ADAMTS8: variants seen among roughly 807,000 people sequenced by gnomAD.
ADAMTS8 encodes ADAM metallopeptidase with thrombospondin type 1 motif 8.
Under a neutral mutation model 64.4 loss-of-function variants are expected in ADAMTS8, and 50 were observed. The ratio of observed to expected loss-of-function variants is 0.78; its 90% CI spans 0.62 to 0.98. The LOEUF (loss-of-function observed/expected upper bound fraction) is 0.98. ADAMTS8 is among the 50% of genes least tolerant of loss of function. ADAMTS8 has a pLI of 0.00. For synonymous variants in ADAMTS8, 556 were observed against 533.6 expected (o/e 1.04, Z -0.58); for missense variants, 1,192 against 1,208.2 (o/e 0.99, Z 0.20).
At chr11:130,422,453 C>G (rs1028364199) in intron 1 of ADAMTS8, among the ~76,000 whole-genome samples, 4 of 152,000 alleles carry the variant, frequency 2.6e-5, no homozygotes, top group Admixed American at 6.6e-5. Flanking sequence ...TACATCCAGC[C>G]GGTTTGCGCT....
intron 2 of ADAMTS8, among the ~76,000 whole-genome samples, chr11:130,417,360 G>A (rs537062669): frequency 1.1e-3 from 161 of 152,148 alleles, no homozygotes; most frequent in Non-Finnish European, 2.0e-3. Flanking sequence ...GGGTTGAGGC[G>A]ATTCTCCCAC....
At chr11:130,415,292 T>A (rs994904491) in intron 4 of ADAMTS8, among the ~76,000 whole-genome samples, 1 of 152,148 alleles carries the variant, frequency 6.6e-6, no homozygotes, top group Admixed American at 6.5e-5. Flanking sequence ...TTTTCTTTAA[T>A]CCCCTCTTCT....
chr11:130,405,322 G>T lies in ADAMTS8; in HGVS notation c.*236C>A, dbSNP rs1861862133. 2.3e-6 allele frequency: 3 copies of T among 1,320,148 alleles called. No homozygotes were observed. The highest frequency in any genetic ancestry group is 2.9e-6 in the Non-Finnish European group (3 of 1,039,372). 81.8% of individuals were successfully genotyped at this position (1,320,148 alleles called of 1,614,324 possible). A position where few individuals can be genotyped will look rare whatever the true frequency, so the allele number is the denominator to read the frequency against. ...ACCTTTTAACCTATGCCCTCTACTT[G>T]AACCCGAGCAAGGTCCAGTCCACTG... On this transcript the variant is annotated 3_prime_UTR_variant, in exon 9 of 9. Transcript: ENST00000257359.
chr11:130,414,777 C>T lies in ADAMTS8; in HGVS notation c.1320G>A (p.Pro440=), dbSNP rs1291178986. The change falls in exon 5 of 9, where the codon CCG becomes CCA. Residue 440 remains proline, a synonymous_variant. Transcript: ENST00000257359. ...AAALPLPTGL[P]GRMALYQLDQ... ...CCAGCTGGTACAGGGCCATGCGGCC[C>T]GGGAGGCCTGTGGGGAGGGGCAGGG... The T allele has an allele frequency of 1.4e-5, 22 of 1,613,150 alleles. No individual in the cohort carries two copies. The highest frequency in any genetic ancestry group is 6.7e-5 in the East Asian group (3 of 44,868).
chr11:130,423,795 C>G (rs770440931), intron 1 of ADAMTS8, among the ~76,000 whole-genome samples: 1 of 152,308 alleles, frequency 6.6e-6, no homozygotes, highest in East Asian at 1.9e-4. Flanking sequence ...TCCATCTCGC[C>G]CCGGGTTCAC....
intron 1 of ADAMTS8, among the ~76,000 whole-genome samples, chr11:130,421,596 C>T (rs1862099879): frequency 6.6e-6 from 1 of 152,212 alleles, no homozygotes; most frequent in African/African-American, 2.4e-5. Context: ...ACTGATCTCT[C>T]CTTATCTCTT....
At position 130,411,314 on chromosome 11, in the gene ADAMTS8, A is replaced by C; in HGVS notation, c.1750+103T>G. 5.7e-6 allele frequency: 8 copies of C among 1,399,602 alleles called. No homozygotes were observed. The highest frequency in any genetic ancestry group is 1.4e-5 in the African/African-American group (1 of 69,894). The allele number at this position is 1,399,602 out of a possible 1,614,324, so 86.7% of individuals were successfully genotyped here. ...TACTCCCCTCTGGGAGTAACTCTAT[A>C]TCCCGGGACACCCACTTCACTCCCA... On this transcript the variant is annotated intron_variant, in intron 6 of 8. Transcript: ENST00000257359. This position sits in a 1 kb window ranked among gnomAD's most constrained non-coding sequence, Gnocchi z 4.2.
In ADAMTS8 at chr11:130,414,634, G is replaced by T. The variant is rs762108752; in HGVS notation, c.1463C>A (p.Thr488Lys). ...HTDGAEPLCHTKNGSLPWADG... is the reference protein window; with the variant it reads ...HTDGAEPLCHKKNGSLPWADG... ...AGCCCAGGGCAGGCTGCCATTCTTC[G>T]TGTGGCACAGGGGCTCAGCCCCATC... The change falls in exon 5 of 9, where the codon ACG becomes AAG. Residue 488 changes from threonine to lysine, a missense_variant. Transcript: ENST00000257359. 13 of 1,613,720 alleles carry T rather than the reference G, an allele frequency of 8.1e-6. No homozygotes were observed. Among genetic ancestry groups the T allele is most frequent in the Non-Finnish European group, 1.0e-5 (12 of 1,180,034 alleles).
In ADAMTS8 at chr11:130,411,354, T is replaced by G; in HGVS notation, c.1750+63A>C. The G allele has an allele frequency of 6.4e-7, 1 of 1,563,890 alleles. No homozygotes were observed. The highest frequency in any genetic ancestry group is 8.7e-7 in the Non-Finnish European group (1 of 1,148,692). On this transcript the variant is annotated intron_variant, in intron 6 of 8. Transcript: ENST00000257359. This position sits in a 1 kb window ranked among gnomAD's most constrained non-coding sequence, Gnocchi z 4.2. ...CTTCACTCCCACTTTACACATCCTC[T>G]GGGGATGCGTCATAGCAATGATAGT...
Position 130,411,300 on chromosome 11 carries a change from G to T in ADAMTS8, c.1750+117C>A. 7.7e-7 allele frequency: 1 copy of T among 1,299,020 alleles called. No individual in the cohort carries two copies. Among genetic ancestry groups the T allele is most frequent in the Non-Finnish European group, 1.1e-6 (1 of 942,592 alleles). 80.5% of individuals were successfully genotyped at this position (1,299,020 alleles called of 1,614,324 possible). On this transcript the variant is annotated intron_variant, in intron 6 of 8. Coordinates refer to ENST00000257359, the MANE Select transcript of ADAMTS8 (RefSeq NM_007037.6). The surrounding 1 kb of genome is among the most constrained non-coding windows in gnomAD (Gnocchi z 4.2). ...CAGGAGACCCAATTTACTCCCCTCT[G>T]GGAGTAACTCTATATCCCGGGACAC... is the stretch of plus-strand genomic sequence containing the variant.
At chr11:130,409,282 A>G (rs1279723449) in intron 6 of ADAMTS8, among the ~76,000 whole-genome samples, 1 of 152,198 alleles carries the variant, frequency 6.6e-6, no homozygotes, top group Non-Finnish European at 1.5e-5. Context: ...ATGTGGAGCT[A>G]TATTCTCAGG....
rs1337769980 is a variant in ADAMTS8 at position 130,414,617 on chromosome 11, G to A, written c.1480C>T (p.Pro494Ser). 6.2e-7 allele frequency: 1 copy of A among 1,613,376 alleles called. No homozygotes were observed. Among genetic ancestry groups the A allele is most frequent in the African/African-American group, 1.3e-5 (1 of 74,944 alleles). ...CCGCACGGCGTGCCGTCAGCCCAGG[G>A]CAGGCTGCCATTCTTCGTGTGGCAC... ...PLCHTKNGSL[P>S]WADGTPCGPG... Residue 494 changes from proline to serine, a missense_variant, in exon 5 of 9, where the codon CCC becomes TCC. Around this residue, in one of 5 missense-constraint regions of ADAMTS8, gnomAD observed 741 missense variants for 710.6 expected, o/e 1.04. Transcript: ENST00000257359.
At chr11:130,425,807 T>C (rs180735461) in intron 1 of ADAMTS8, among the ~76,000 whole-genome samples, 5 of 152,182 alleles carry the variant, frequency 3.3e-5, no homozygotes, top group Admixed American at 2.6e-4. Context: ...TTCACCGTGT[T>C]AGCCAGGATG....
chr11:130,411,387 C>T lies in ADAMTS8; in HGVS notation c.1750+30G>A. 1.2e-6 allele frequency: 2 copies of T among 1,605,298 alleles called. No individual in the cohort carries two copies. Among genetic ancestry groups the T allele is most frequent in the Non-Finnish European group, 1.7e-6 (2 of 1,175,180 alleles). ...CGTCATAGCAATGATAGTAGCTGCT[C>T]TGGCAGGGGCGGCCCTGAGTGGTAA... is the stretch of plus-strand genomic sequence containing the variant. On this transcript the variant is annotated intron_variant, in intron 6 of 8. Transcript: ENST00000257359. The surrounding 1 kb of genome is among the most constrained non-coding windows in gnomAD (Gnocchi z 4.2).
rs367837159 is a variant in ADAMTS8 at position 130,418,507 on chromosome 11, CTG to C, written c.960+544_960+545del. ...GTGGCACGAGAGCTGTGTGGCCACT[CTG>C]TGCCTCAGTTTTCTCTGTTACAAAA... On this transcript the variant is annotated intron_variant, in intron 2 of 8. Coordinates refer to ENST00000257359, the MANE Select transcript of ADAMTS8 (RefSeq NM_007037.6). Among the ~76,000 whole-genome samples, 667 of 152,370 alleles carry C rather than the reference CTG, an allele frequency of 4.4e-3. 6 individuals carry two copies. The highest frequency in any genetic ancestry group is 0.015 in the African/African-American group (643 of 41,590).
chr11:130,428,224 C>CAGT lies in ADAMTS8; in HGVS notation c.62_63insACT (p.Leu21dup), dbSNP rs1862207528. ...GGGCCGGGGCGCCGCGGGCCAGCGGCAGCAGCAGCAGCAGCAGCAGCAGGA... is the reference window on the plus strand; with the variant it reads ...GGGCCGGGGCGCCGCGGGCCAGCGGCAGTAGCAGCAGCAGCAGCAGCAGCAGGA... On this transcript the variant is annotated inframe_insertion, in exon 1 of 9. Coordinates refer to ENST00000257359, the MANE Select transcript of ADAMTS8 (RefSeq NM_007037.6). 9.4e-6 allele frequency: 2 copies of CAGT among 212,054 alleles called. No individual in the cohort carries two copies. Among genetic ancestry groups the CAGT allele is most frequent in the Non-Finnish European group, 1.4e-5 (2 of 145,134 alleles). 13.1% of individuals were successfully genotyped at this position (212,054 alleles called of 1,614,324 possible).
rs895827035 is a variant in ADAMTS8 at position 130,428,013 on chromosome 11, C to A, written c.274G>T (p.Gly92Trp). The change falls in exon 1 of 9, where the codon GGG becomes TGG. Residue 92 changes from glycine to tryptophan, a missense_variant. Around this residue, in one of 5 missense-constraint regions of ADAMTS8, gnomAD observed 741 missense variants for 710.6 expected, o/e 1.04. Transcript: ENST00000257359. The part of the protein sequence containing the change: ...ERLGGSGRAT[G>W]GERGLRGCFF... ...CAGCCGCGCAGCCCCCGCTCGCCCC[C>A]GGTCGCCCGGCCGGAGCCCCCGAGG... The A allele has an allele frequency of 2.0e-6, 3 of 1,525,740 alleles. No individual in the cohort carries two copies. The highest frequency in any genetic ancestry group is 2.6e-6 in the Non-Finnish European group (3 of 1,143,046). The allele number at this position is 1,525,740 out of a possible 1,614,324, so 94.5% of individuals were successfully genotyped here.
chr11:130,427,254 C>CGGGT (rs1862178538), intron 1 of ADAMTS8, among the ~76,000 whole-genome samples: 1 of 152,158 alleles, frequency 6.6e-6, no homozygotes, highest in Non-Finnish European at 1.5e-5. Context: ...TACCCACTTT[C>CGGGT]GGGTCAGTGC....
In ADAMTS8 at chr11:130,404,928, A is replaced by G. The variant is rs1180891278; in HGVS notation, c.*630T>C. On this transcript the variant is annotated 3_prime_UTR_variant, in exon 9 of 9. Coordinates refer to ENST00000257359, the MANE Select transcript of ADAMTS8 (RefSeq NM_007037.6). The stretch of plus-strand genomic sequence containing the variant: ...AATCAGACCAGACCACTGCATTGGC[A>G]TAAGATCACACTTTAGTTCAGAGAC... 1.0e-6 allele frequency: 1 copy of G among 958,878 alleles called. No individual in the cohort carries two copies. Among genetic ancestry groups the G allele is most frequent in the African/African-American group, 1.8e-5 (1 of 56,674 alleles). The allele number at this position is 958,878 out of a possible 1,614,324, so 59.4% of individuals were successfully genotyped here.
Sources: gnomAD v4.1 joint callset for allele counts (sites outside exome capture counted in the v4.1 genomes callset) on GRCh38, gnomAD v4.1.1 for gene constraint, gnomAD v4.1.1 regional missense constraint, Gnocchi (gnomAD v3.1) non-coding constraint, MANE v1.5 for transcripts, NCBI Gene and HGNC (gene_info 2026-07-23, HGNC 2026-07-21) for gene names.